MEGF11: variants seen among roughly 807,000 people sequenced by gnomAD.
The protein encoded by MEGF11 is multiple epidermal growth factor-like domains protein 11.
A neutral mutation model predicts 146.6 loss-of-function variants in MEGF11; 126 were observed. The observed-to-expected ratio is 0.86, with a 90% CI of 0.74 to 1.00. The LOEUF (loss-of-function observed/expected upper bound fraction) is 1.00. Ranked by LOEUF, MEGF11 falls within the 50% of genes least tolerant of loss-of-function variation. MEGF11 has a pLI of 0.00. For missense variants in MEGF11, 1,509 were observed against 1,521.2 expected (o/e 0.99, Z 0.13); for synonymous variants, 532 against 583.4 (o/e 0.91, Z 1.27).
intron 5 of MEGF11, among the ~76,000 whole-genome samples, chr15:66,088,303 CT>C (rs1354439372): frequency 2.0e-5 from 3 of 152,218 alleles, no homozygotes; most frequent in Non-Finnish European, 4.4e-5. Context: ...AAAGAAGGAA[CT>C]CTTCCTAATT....
chr15:66,148,668 CCTCT>C (rs1309377211), intron 1 of MEGF11, among the ~76,000 whole-genome samples: 1 of 152,226 alleles, frequency 6.6e-6, no homozygotes, highest in Non-Finnish European at 1.5e-5. Context: ...GCCAGTGCCC[CCTCT>C]CTATCAGCCT....
Position 65,982,441 on chromosome 15 carries a change from A to T in MEGF11, c.442T>A (p.Cys148Ser), listed in dbSNP as rs1396037854. The T allele has an allele frequency of 2.0e-6, 3 of 1,495,304 alleles. No individual in the cohort carries two copies. In the Admixed American group the frequency reaches 6.6e-5, roughly 33 times the overall value. The allele number at this position is 1,495,304 out of a possible 1,614,324, so 92.6% of individuals were successfully genotyped here. ...GGGTTACACAGGGCGCCGTTCTGGC[A>T]CTGGCACCGGTTGCTGCAGTGGGGC... is the stretch of plus-strand genomic sequence containing the variant. ...WGPHCSNRCQCQNGALCNPIT... is the reference protein window; with the variant it reads ...WGPHCSNRCQSQNGALCNPIT... The change falls in exon 6 of 26, where the codon TGC (cysteine) becomes AGC (serine). Residue 148 changes from cysteine (C) to serine (S), a missense_variant. By Grantham distance (112) the Cys-to-Ser change is moderately radical. Coordinates refer to ENST00000395614, the MANE Select transcript of MEGF11 (RefSeq NM_001385028.1). The surrounding 1 kb of genome is among the most constrained non-coding windows in gnomAD (Gnocchi z 5.6).
Position 66,033,078 on chromosome 15 carries a change from C to CAAAAAAA in MEGF11, c.395-50597_395-50591dup, listed in dbSNP as rs60932678. ...CCTGGGTGACAGAGTGAGACTCCAT[C>CAAAAAAA]AAAAAAAAAAAAAAAAAAAAAAAAA... On this transcript the variant is annotated intron_variant, in intron 5 of 25. Coordinates refer to ENST00000395614, the MANE Select transcript of MEGF11 (RefSeq NM_001385028.1). Among the ~76,000 whole-genome samples the CAAAAAAA allele has an allele frequency of 3.6e-4, 29 of 80,612 alleles. 1 individual carries two copies. Among genetic ancestry groups the CAAAAAAA allele is most frequent in the African/African-American group, 9.1e-4 (17 of 18,674 alleles). The allele number at this position is 80,612 out of a possible 152,430, so 52.9% of individuals were successfully genotyped here.
At position 66,094,633 on chromosome 15, in the gene MEGF11, A is replaced by C. The variant is rs59704097; in HGVS notation, c.302-139T>G. The C allele has an allele frequency of 5.7e-3, 3,746 of 657,896 alleles. 28 individuals are homozygous for C. The highest frequency in any genetic ancestry group is 8.3e-3 in the Non-Finnish European group (3,129 of 376,776). The allele number at this position is 657,896 out of a possible 1,614,324, so 40.8% of individuals were successfully genotyped here. A position where few individuals can be genotyped will look rare whatever the true frequency, so the allele number is the denominator to read the frequency against. On this transcript the variant is annotated intron_variant, in intron 4 of 25. Coordinates refer to ENST00000395614, the MANE Select transcript of MEGF11 (RefSeq NM_001385028.1). ...GAACGCATGACTGGCTTGGGGGGGA[A>C]AATCAAGCTACACCTGACCTGAGTT...
rs571340121 is a variant in MEGF11, at chr15:65,916,044, G to C, written c.2344+104C>G. ...GTTGTCCCCAAAGTCAAGGGACCAA[G>C]GGGTACAGAGCCCTGAGTGAGTGGA... is the stretch of plus-strand genomic sequence containing the variant. On this transcript the variant is annotated intron_variant, in intron 18 of 25. Coordinates refer to ENST00000395614, the MANE Select transcript of MEGF11 (RefSeq NM_001385028.1). 808 of 1,360,516 alleles carry C rather than the reference G, an allele frequency of 5.9e-4. 8 individuals are homozygous for C. Among genetic ancestry groups the C allele is most frequent in the Non-Finnish European group, 1.6e-4 (167 of 1,033,056 alleles). The allele number at this position is 1,360,516 out of a possible 1,614,324, so 84.3% of individuals were successfully genotyped here.
At chr15:66,118,313 G>C (rs4776734) in intron 4 of MEGF11, among the ~76,000 whole-genome samples, 75,406 of 151,826 alleles carry the variant, frequency 0.5, 19,014 homozygotes, top group East Asian at 0.75. Flanking sequence ...GTGTCTTGCC[G>C]AAAGCCCCAT....
In MEGF11 at chr15:65,897,736, T is replaced by C; in HGVS notation, c.*198A>G. 1 of 468,294 alleles carries C rather than the reference T, an allele frequency of 2.1e-6. No individual in the cohort carries two copies. Among genetic ancestry groups the C allele is most frequent in the Non-Finnish European group, 3.7e-6 (1 of 271,874 alleles). 29.0% of individuals were successfully genotyped at this position (468,294 alleles called of 1,614,324 possible). On this transcript the variant is annotated 3_prime_UTR_variant, in exon 26 of 26. Coordinates refer to ENST00000395614, the MANE Select transcript of MEGF11 (RefSeq NM_001385028.1). ...AGGGCATTTGGGGCTGAGTGGGTGA[T>C]AGGATTTGCCTTTGAGAACACAATT...
At chr15:66,203,813 G>A (rs1471986275) in intron 1 of MEGF11, among the ~76,000 whole-genome samples, 1 of 152,224 alleles carries the variant, frequency 6.6e-6, no homozygotes, top group African/African-American at 2.4e-5. Context: ...TTAGATACTA[G>A]AAGATATTAG....
In MEGF11 at chr15:66,043,037, C is replaced by T. The variant is rs187469138; in HGVS notation, c.394+51365G>A. Among the ~76,000 whole-genome samples the T allele has an allele frequency of 4.3e-4, 66 of 152,340 alleles. No individual in the cohort carries two copies. The East Asian group carries it at 9.8e-3, about 23-fold the overall frequency. On this transcript the variant is annotated intron_variant, in intron 5 of 25. Coordinates refer to ENST00000395614, the MANE Select transcript of MEGF11 (RefSeq NM_001385028.1). ...TCTCAATCCTTCCGAATCAGGGACC[C>T]AGCCAGAGATAGAAGAGAGTCCTTC...
At position 65,895,885 on chromosome 15, in the gene MEGF11, C is replaced by A. The variant is rs1468753955; in HGVS notation, c.*2049G>T. ...TCTCTTGATTCAGTGTCTAGCCATT[C>A]CACCTCTTGCTGAATACCTTTGCCC... is the stretch of plus-strand genomic sequence containing the variant. On this transcript the variant is annotated 3_prime_UTR_variant, in exon 26 of 26. Coordinates refer to ENST00000395614, the MANE Select transcript of MEGF11 (RefSeq NM_001385028.1). 2 of 152,238 alleles carry A rather than the reference C, an allele frequency of 1.3e-5. No individual in the cohort carries two copies. Among genetic ancestry groups the A allele is most frequent in the African/African-American group, 4.8e-5 (2 of 41,460 alleles). The allele number at this position is 152,238 out of a possible 1,614,324, so 9.4% of individuals were successfully genotyped here.
At chr15:65,941,987 CT>C (rs150612772) in intron 10 of MEGF11, among the ~76,000 whole-genome samples, 4 of 151,826 alleles carry the variant, frequency 2.6e-5, no homozygotes, top group East Asian at 1.9e-4. Context: ...GTGCCAGGCA[CT>C]TTTTTTTTCC....
intron 5 of MEGF11, among the ~76,000 whole-genome samples, chr15:66,030,535 G>C (rs1281243196): frequency 6.6e-6 from 1 of 152,118 alleles, no homozygotes; most frequent in Non-Finnish European, 1.5e-5. Context: ...TCAGCCTCCG[G>C]AGTAGCTGGG....
chr15:66,195,647 C>T (rs1026443005), intron 1 of MEGF11, among the ~76,000 whole-genome samples: 3 of 152,314 alleles, frequency 2.0e-5, no homozygotes, highest in African/African-American at 2.4e-5. Flanking sequence ...AAGGTCCATC[C>T]GGGAAATGAG....
chr15:66,184,789 C>G (rs1383061635), intron 1 of MEGF11, among the ~76,000 whole-genome samples: 2 of 151,906 alleles, frequency 1.3e-5, no homozygotes, highest in South Asian at 2.1e-4. Context: ...ACTCCCACCC[C>G]CAACCCCCTT....
chr15:66,159,382 A>G (rs2089874887), intron 1 of MEGF11, among the ~76,000 whole-genome samples: 2 of 152,228 alleles, frequency 1.3e-5, no homozygotes. Flanking sequence ...AGGTCAGGGA[A>G]AGACCAAGAA....
At chr15:66,191,438 T>C (rs28702433) in intron 1 of MEGF11, among the ~76,000 whole-genome samples, 16,344 of 152,250 alleles carry the variant, frequency 0.11, 1,447 homozygotes, top group African/African-American at 0.24. Context: ...AGGATGCCTC[T>C]GGGGGAAGAA....
intron 1 of MEGF11, among the ~76,000 whole-genome samples, chr15:66,138,093 CT>C (rs527611516): frequency 2.6e-5 from 4 of 152,154 alleles, no homozygotes; most frequent in Non-Finnish European, 5.9e-5. Context: ...ATAAAGCCAC[CT>C]TCATTTTGAA....
intron 5 of MEGF11, among the ~76,000 whole-genome samples, chr15:66,067,120 C>T (rs1245332959): frequency 3.3e-5 from 5 of 152,316 alleles, no homozygotes; most frequent in South Asian, 2.1e-4. Context: ...GTGCTTAGAA[C>T]GGTGTCTGGT....
At chr15:66,020,029 G>A (rs1019434213) in intron 5 of MEGF11, among the ~76,000 whole-genome samples, 5 of 152,212 alleles carry the variant, frequency 3.3e-5, no homozygotes, top group African/African-American at 1.2e-4. Context: ...AGGGGATAAC[G>A]GGCAGCTGTT....
Sources: allele counts gnomAD v4.1 joint callset (sites outside exome capture counted in the v4.1 genomes callset), GRCh38; gene constraint gnomAD v4.1.1; non-coding constraint Gnocchi (gnomAD v3.1); transcripts MANE v1.5; gene names NCBI Gene and HGNC (gene_info 2026-07-23, HGNC 2026-07-21).